PCDHA1: variants seen among roughly 807,000 people sequenced by gnomAD.
The protein encoded by PCDHA1 is protocadherin alpha-1.
A neutral mutation model predicts 61.3 loss-of-function variants in PCDHA1; 42 were observed. That is an observed-to-expected ratio of 0.69 (90% CI 0.54 to 0.89). The LOEUF (loss-of-function observed/expected upper bound fraction) is 0.89, where lower values mean the gene tolerates loss of function less well. PCDHA1 is among the 40% of genes least tolerant of loss of function. PCDHA1 has a pLI of 0.00. For synonymous variants in PCDHA1, 610 were observed against 553.8 expected, an observed-to-expected ratio of 1.10 and a Z score of -1.43; for missense variants, 1,256 against 1,235.3, an observed-to-expected ratio of 1.02 and a Z score of -0.25.
At chr5:140,927,236 T>A in intron 1 of PCDHA1, 3 of 1,614,120 alleles carry the variant, frequency 1.9e-6, no homozygotes, top group Non-Finnish European at 2.5e-6. Context: ...ATTCACGTCC[T>A]GGACACCAAT....
At chr5:141,006,313 G>A (rs190584023) in intron 3 of PCDHA1, among the ~76,000 whole-genome samples, 18 of 152,072 alleles carry the variant, frequency 1.2e-4, no homozygotes, top group Admixed American at 1.1e-3. Context: ...CCGGGTTCAT[G>A]CCATTCTCCT....
chr5:141,004,627 T>C lies in PCDHA1; in HGVS notation c.2543-5000T>C, dbSNP rs538896289. On this transcript the variant is annotated intron_variant, in intron 3 of 3. Transcript: ENST00000504120. ...GCCTCATGCAGAGTCCTGGTTATGG[T>C]TGAAGAAAAATTTCCATTTTGGGCT... 3.9e-5 allele frequency among the ~76,000 whole-genome samples: 6 copies of C among 152,330 alleles called. No individual in the cohort carries two copies. The East Asian group carries it at 1.2e-3, about 29-fold the overall frequency.
At chr5:140,869,712 G>A in intron 1 of PCDHA1, 4 of 1,613,408 alleles carry the variant, frequency 2.5e-6, no homozygotes, top group South Asian at 1.1e-5. Context: ...TGGATAGAGA[G>A]AAAACTCCGG....
intron 3 of PCDHA1, among the ~76,000 whole-genome samples, chr5:140,998,104 G>A (rs1554256160): frequency 6.6e-6 from 1 of 152,132 alleles, no homozygotes; most frequent in African/African-American, 2.4e-5. Context: ...GCAAACAGAG[G>A]AGAAAATTTA....
rs782131708 is a variant in PCDHA1, at chr5:140,869,055, G to A, written c.2394+80371G>A. The A allele has an allele frequency of 1.9e-6, 3 of 1,547,114 alleles. No homozygotes were observed. In the South Asian group the frequency reaches 3.8e-5, roughly 20 times the overall value. ...TTTTTAACCTGAAACTGAAGAATCTGGTACTGTAAGTGTAAAGAAGCTTAT... is the reference window on the plus strand; with the variant it reads ...TTTTTAACCTGAAACTGAAGAATCTAGTACTGTAAGTGTAAAGAAGCTTAT... On this transcript the variant is annotated intron_variant, in intron 1 of 3. Coordinates refer to ENST00000504120, the MANE Select transcript of PCDHA1 (RefSeq NM_018900.4).
rs2150359087 is a variant in PCDHA1, at chr5:140,843,393, C to A, written c.2394+54709C>A. 46 of 1,596,052 alleles carry A rather than the reference C, an allele frequency of 2.9e-5. 2 individuals are homozygous for A. The highest frequency in any genetic ancestry group is 4.4e-5 in the South Asian group (4 of 90,510). ...TCGGCTGGCGTTTTGGGTCCGGAAG[C>A]GGCGCTGGTGGATGTCAACGTGTAC... On this transcript the variant is annotated intron_variant, in intron 1 of 3. Transcript: ENST00000504120.
At chr5:140,884,634 G>A in intron 1 of PCDHA1, 1 of 1,612,414 alleles carries the variant, frequency 6.2e-7, no homozygotes, top group Non-Finnish European at 8.5e-7. Context: ...ACAGGCCAGA[G>A]GGAGGAGGAC....
intron 1 of PCDHA1, chr5:140,823,947 G>T (rs2150130652): frequency 1.7e-5 from 28 of 1,613,980 alleles, no homozygotes; most frequent in Non-Finnish European, 2.2e-5. Context: ...GGTGCTCGGC[G>T]CAGCCCACCG....
intron 1 of PCDHA1, among the ~76,000 whole-genome samples, chr5:140,885,181 T>A (rs561922365): frequency 6.6e-6 from 1 of 152,330 alleles, no homozygotes; most frequent in African/African-American, 2.4e-5. Flanking sequence ...TCTAGGCACA[T>A]CAGTGTTCCC....
intron 1 of PCDHA1, chr5:140,797,007 G>A (rs149822412): frequency 0.039 from 62,634 of 1,613,692 alleles, 1,373 homozygotes; most frequent in Non-Finnish European, 0.045. Context: ...CCTCGTCGCG[G>A]GCGTGGGTGG....
Position 140,835,306 on chromosome 5 carries a change from T to C in PCDHA1, c.2394+46622T>C, listed in dbSNP as rs2150233599. 44 of 1,612,968 alleles carry C rather than the reference T, an allele frequency of 2.7e-5. No individual in the cohort carries two copies. The South Asian group carries it at 4.5e-4, about 17-fold the overall frequency. The stretch of plus-strand genomic sequence containing the variant: ...GGGGCAATCACAGTGATAGGACATA[T>C]GGATTTTGAAGAAAGTAGAGCACAC... On this transcript the variant is annotated intron_variant, in intron 1 of 3. Transcript: ENST00000504120.
intron 1 of PCDHA1, among the ~76,000 whole-genome samples, chr5:140,964,203 C>T (rs2095816993): frequency 6.6e-6 from 1 of 152,212 alleles, no homozygotes; most frequent in African/African-American, 2.4e-5. Context: ...TATACCATCT[C>T]TTTAGTACAA....
chr5:140,849,968 C>G, intron 1 of PCDHA1: 1 of 1,597,844 alleles, frequency 6.3e-7, no homozygotes, highest in Non-Finnish European at 8.6e-7. Flanking sequence ...CCCTGGTGTC[C>G]TACTCGCTGG....
chr5:140,982,544 A>G lies in PCDHA1; in HGVS notation c.2523A>G (p.Thr841=), dbSNP rs781800144. 1.5e-5 allele frequency: 25 copies of G among 1,614,098 alleles called. No individual in the cohort carries two copies. Among genetic ancestry groups the G allele is most frequent in the Non-Finnish European group, 2.1e-5 (25 of 1,180,048 alleles). Residue 841 remains threonine (T), a synonymous_variant, in exon 3 of 4, where the codon ACA becomes ACG. Coordinates refer to ENST00000504120, the MANE Select transcript of PCDHA1 (RefSeq NM_018900.4). ...GAGGGCCTGATCAGCAGTGGCCAAC[A>G]GTATCCAGTGCAACACCAGGTAAAG... The part of the protein sequence containing the change: ...GPGGPDQQWP[T]VSSATPEPEA...
At chr5:140,939,335 T>A (rs1195092720) in intron 1 of PCDHA1, among the ~76,000 whole-genome samples, 2 of 152,080 alleles carry the variant, frequency 1.3e-5, no homozygotes, top group Non-Finnish European at 2.9e-5. Context: ...ATCTTAGGGG[T>A]TAGCATTTCA....
intron 1 of PCDHA1, among the ~76,000 whole-genome samples, chr5:140,925,210 C>T (rs1319343041): frequency 2.0e-5 from 3 of 152,122 alleles, no homozygotes; most frequent in African/African-American, 7.2e-5. Context: ...ATTATCGATA[C>T]TTTTAGGCAG....
At chr5:140,809,303 G>A (rs1554125126) in intron 1 of PCDHA1, 35 of 1,614,100 alleles carry the variant, frequency 2.2e-5, no homozygotes, top group East Asian at 8.9e-5. Context: ...TGCCATCTGC[G>A]CGGTGTCCAG....
intron 1 of PCDHA1, chr5:140,811,071 T>C (rs571435620): frequency 6.6e-6 from 1 of 152,242 alleles, no homozygotes; most frequent in Non-Finnish European, 1.5e-5. Context: ...GTTTGTTACA[T>C]AGGTATACAT....
intron 1 of PCDHA1, among the ~76,000 whole-genome samples, chr5:140,910,668 C>G (rs2075124281): frequency 6.6e-6 from 1 of 152,172 alleles, no homozygotes; most frequent in Admixed American, 6.5e-5. Flanking sequence ...TACATTAAAC[C>G]AAGGGAGATC....
Sources: gnomAD v4.1 joint callset for allele counts (sites outside exome capture counted in the v4.1 genomes callset) on GRCh38, gnomAD v4.1.1 for gene constraint, MANE v1.5 for transcripts, NCBI Gene and HGNC (gene_info 2026-07-23, HGNC 2026-07-21) for gene names.